AGXT2: variants seen among roughly 807,000 people sequenced by gnomAD.
The protein encoded by AGXT2 is alanine--glyoxylate aminotransferase 2, mitochondrial.
Under a neutral mutation model 62.5 loss-of-function variants are expected in AGXT2, and 61 were observed. The ratio of observed to expected loss-of-function variants is 0.98; its 90% CI spans 0.79 to 1.21. AGXT2 has a LOEUF of 1.21. Among genes scored for constraint, AGXT2 ranks in the 50% most tolerant of loss-of-function variants. AGXT2 has a pLI of 0.00. For synonymous variants in AGXT2, 243 were observed against 218.7 expected (o/e 1.11, Z -0.98); for missense variants, 666 against 641.5 (o/e 1.04, Z -0.41).
chr5:35,040,540 A>G, intron 2 of AGXT2, 35 bp downstream of exon 2: 1 of 1,581,318 alleles, frequency 6.3e-7, no homozygotes, highest in East Asian at 2.2e-5. Flanking sequence ...CAGAGAAACT[A>G]CCTCTTTGAG....
chr5:35,035,433 C>A, intron 4 of AGXT2, 117 bp from the exon 5 acceptor site: 1 of 824,536 alleles, frequency 1.2e-6, no homozygotes, highest in Non-Finnish European at 2.1e-6. Flanking sequence ...TCCCTTCAGA[C>A]CAGCTCGGGT....
intron 12 of AGXT2, among the ~76,000 whole-genome samples, chr5:35,005,190 G>A (rs1216614242): frequency 6.6e-6 from 1 of 152,094 alleles, no homozygotes; most frequent in Non-Finnish European, 1.5e-5. Context: ...AATCCGGAGG[G>A]AAGGTTGGGT....
chr5:35,047,127 A>G (rs796290898), intron 1 of AGXT2, among the ~76,000 whole-genome samples: 104 of 152,314 alleles, frequency 6.8e-4, no homozygotes, highest in African/African-American at 2.5e-3. Context: ...ATTCATGCAG[A>G]TGCTTTACAT....
chr5:35,013,166 C>T (rs764599234), intron 10 of AGXT2, 121 bp from the exon 11 acceptor site: 6 of 857,266 alleles, frequency 7.0e-6, no homozygotes, highest in Non-Finnish European at 1.2e-5. Context: ...ATTCATCCTT[C>T]ATTCAACTGA....
At chr5:35,011,488 T>C (rs1766637841) in intron 11 of AGXT2, among the ~76,000 whole-genome samples, 1 of 149,650 alleles carries the variant, frequency 6.7e-6, no homozygotes, top group African/African-American at 2.5e-5. Flanking sequence ...AAATTGGCAA[T>C]GTCTACAAAG....
intron 12 of AGXT2, among the ~76,000 whole-genome samples, chr5:35,004,645 C>A (rs1280978919): frequency 6.6e-6 from 1 of 152,196 alleles, no homozygotes; most frequent in Non-Finnish European, 1.5e-5. Flanking sequence ...GATATTTGGG[C>A]CTCATGCTAG....
At chr5:35,027,025 T>A in intron 7 of AGXT2, 1 of 985,434 alleles carries the variant, frequency 1.0e-6, no homozygotes, top group Non-Finnish European at 1.2e-6. Flanking sequence ...AAGAGAAATG[T>A]TCGAGAGCTA....
Position 35,033,457 on chromosome 5 carries a change from C to T in AGXT2, c.675+3G>A. 2 of 1,607,134 alleles carry T rather than the reference C, an allele frequency of 1.2e-6. No individual in the cohort carries two copies. Among genetic ancestry groups the T allele is most frequent in the Non-Finnish European group, 1.7e-6 (2 of 1,173,584 alleles). On this transcript the variant is annotated splice_donor_region_variant and intron_variant, in intron 6 of 13. Transcript: ENST00000231420. ...GAAACAAGAGAAAAATCTCCAAACT[C>T]ACTGGTTGGCAACCTGTCCCACCAG...
rs55781124 is a variant in AGXT2, at chr5:35,005,514, C to T, written c.1339-1653G>A. On this transcript the variant is annotated intron_variant, in intron 12 of 13. Coordinates refer to ENST00000231420, the MANE Select transcript of AGXT2 (RefSeq NM_031900.4). Reference sequence around the variant, plus strand: ...TGCTGGGATTACAGGTGTGAGCCACCGTGCCTGGCCCAACAGGACAGTTTT... The same window carrying T: ...TGCTGGGATTACAGGTGTGAGCCACTGTGCCTGGCCCAACAGGACAGTTTT... 6.3e-3 allele frequency among the ~76,000 whole-genome samples: 964 copies of T among 152,254 alleles called. 6 individuals are homozygous for T. The highest frequency in any genetic ancestry group is 0.01 in the Non-Finnish European group (685 of 68,016).
At chr5:35,047,726 C>T in intron 1 of AGXT2, 79 bp downstream of exon 1, 3 of 1,548,624 alleles carry the variant, frequency 1.9e-6, no homozygotes, top group Non-Finnish European at 2.6e-6. Flanking sequence ...TCCAGAATCC[C>T]AGGCAGCAGC....
At chr5:35,000,292 C>G (rs1285015177) in intron 13 of AGXT2, among the ~76,000 whole-genome samples, 2 of 152,164 alleles carry the variant, frequency 1.3e-5, no homozygotes, top group African/African-American at 4.8e-5. Flanking sequence ...TGACTTCACA[C>G]TCTTCTTATT....
At chr5:35,017,122 C>T (rs1240926292) in intron 9 of AGXT2, among the ~76,000 whole-genome samples, 1 of 152,170 alleles carries the variant, frequency 6.6e-6, no homozygotes, top group Non-Finnish European at 1.5e-5. Flanking sequence ...GCCCTCTGCA[C>T]TCAGGTTTTT....
At chr5:34,998,993 C>T (rs1766131066) in intron 13 of AGXT2, among the ~76,000 whole-genome samples, 167 bp from the exon 14 acceptor site, 1 of 152,192 alleles carries the variant, frequency 6.6e-6, no homozygotes, top group Non-Finnish European at 1.5e-5. Flanking sequence ...GCCATTCACC[C>T]TCCAGTCTCC....
At chr5:35,005,693 ACT>A (rs1766394259) in intron 12 of AGXT2, among the ~76,000 whole-genome samples, 3 of 151,196 alleles carry the variant, frequency 2.0e-5, no homozygotes, top group Non-Finnish European at 4.4e-5. Flanking sequence ...AGGGTCTGAA[ACT>A]CTGCTGAGGC....
chr5:35,032,863 A>G, intron 6 of AGXT2, 38 bp from the exon 7 acceptor site: 1 of 1,549,754 alleles, frequency 6.5e-7, no homozygotes, highest in Non-Finnish European at 8.8e-7. Context: ...CAAAGCATGA[A>G]CACAAGACAG....
At chr5:35,015,085 G>T (rs1490210391) in intron 9 of AGXT2, among the ~76,000 whole-genome samples, 1 of 152,130 alleles carries the variant, frequency 6.6e-6, no homozygotes. Context: ...TTGCTGCTTT[G>T]TCTCACCGAC....
At chr5:35,009,702 T>A in intron 12 of AGXT2, among the ~76,000 whole-genome samples, 1 of 152,174 alleles carries the variant, frequency 6.6e-6, no homozygotes, top group South Asian at 2.1e-4. Context: ...CCCAGATAAT[T>A]TCCTCCCTTC....
At chr5:35,033,595 G>T in intron 5 of AGXT2, 42 bp from the exon 6 acceptor site, 2 of 1,494,752 alleles carry the variant, frequency 1.3e-6, no homozygotes, top group Non-Finnish European at 1.9e-6. Flanking sequence ...CAAGTTCCTG[G>T]TCCACTGAGT....
chr5:35,003,617 A>G, intron 13 of AGXT2, 146 bp downstream of exon 13: 1 of 773,316 alleles, frequency 1.3e-6, no homozygotes, highest in South Asian at 1.5e-5. Flanking sequence ...CCTAGATGAC[A>G]TGTGGCTGGG....
Sources: allele counts gnomAD v4.1 joint callset (sites outside exome capture counted in the v4.1 genomes callset), GRCh38; gene constraint gnomAD v4.1.1; transcripts MANE v1.5; gene names NCBI Gene and HGNC (gene_info 2026-07-23, HGNC 2026-07-21).